The following DNAH2 variants were observed in gnomAD, a reference collection of about 807,000 sequenced individuals.
DNAH2 encodes dynein axonemal heavy chain 2.
In DNAH2, 323 loss-of-function variants were observed where a neutral mutation model predicts 523.5. The ratio of observed to expected loss-of-function variants is 0.62; its 90% CI spans 0.56 to 0.68. The LOEUF (loss-of-function observed/expected upper bound fraction) is 0.68, where lower values mean the gene tolerates loss of function less well. Among genes scored for constraint, DNAH2 ranks in the 30% least tolerant of loss-of-function variants. The pLI, the probability that DNAH2 is intolerant of heterozygous loss-of-function variation, is 0.00. For missense variants in DNAH2, 4,907 were observed against 5,701.5 expected (o/e 0.86, Z 4.49); for synonymous variants, 2,093 against 2,177.4 (o/e 0.96, Z 1.08).
chr17:7,733,040 A>G (rs1038674483), intron 4 of DNAH2, 47 bp from the exon 5 acceptor site: 2 of 1,593,488 alleles, frequency 1.3e-6, no homozygotes, highest in African/African-American at 1.3e-5. Flanking sequence ...ACTGGGTGTC[A>G]TGGCTGGGCC....
chr17:7,802,493 A>G (rs1255529035), intron 58 of DNAH2, among the ~76,000 whole-genome samples: 1 of 152,226 alleles, frequency 6.6e-6, no homozygotes, highest in Non-Finnish European at 1.5e-5. Flanking sequence ...AGAATGGAGT[A>G]TCTGCATGTA....
intron 77 of DNAH2, among the ~76,000 whole-genome samples, chr17:7,825,331 G>A (rs759170517): frequency 1.1e-4 from 17 of 152,106 alleles, no homozygotes; most frequent in African/African-American, 1.7e-4. Context: ...TTTTCATTGC[G>A]CTTAGTTGAG....
rs764544377 is a variant in DNAH2, at chr17:7,764,035, C to A, written c.3179+4C>A. The A allele has an allele frequency of 1.2e-6, 2 of 1,614,152 alleles. No individual in the cohort carries two copies. Among genetic ancestry groups the A allele is most frequent in the Non-Finnish European group, 1.7e-6 (2 of 1,180,018 alleles). Reference sequence around the variant, plus strand: ...ACCTGAAGGAGAACGCAGAGAAGTGCGGGCTGGGGCGCCCCACAGGAAGGG... The same window carrying A: ...ACCTGAAGGAGAACGCAGAGAAGTGAGGGCTGGGGCGCCCCACAGGAAGGG... On this transcript the variant is annotated splice_donor_region_variant and intron_variant, in intron 19 of 85. Coordinates refer to ENST00000572933, the MANE Select transcript of DNAH2 (RefSeq NM_020877.5).
intron 8 of DNAH2, 81 bp from the exon 9 acceptor site, chr17:7,739,652 A>G (rs1378842800): frequency 1.6e-6 from 2 of 1,278,084 alleles, no homozygotes; most frequent in Non-Finnish European, 2.2e-6. Context: ...ATGTTTTTAG[A>G]CATTTGAAGC....
chr17:7,794,605 C>T (rs1175597779), intron 49 of DNAH2, among the ~76,000 whole-genome samples: 2 of 152,094 alleles, frequency 1.3e-5, no homozygotes, highest in African/African-American at 4.8e-5. Flanking sequence ...CACAGTGAAG[C>T]CCAAGTAGAC....
intron 70 of DNAH2, 39 bp from the exon 71 acceptor site, chr17:7,818,880 C>A (rs370471517): frequency 1.2e-6 from 2 of 1,607,786 alleles, no homozygotes; most frequent in Middle Eastern, 3.3e-4. Flanking sequence ...CCTGGTCCCG[C>A]TAACCCCTTG....
intron 55 of DNAH2, 28 bp from the exon 56 acceptor site, chr17:7,799,075 C>A: frequency 1.2e-6 from 2 of 1,612,690 alleles, no homozygotes; most frequent in Non-Finnish European, 1.7e-6. Flanking sequence ...ACACGCCAGC[C>A]CTCTGACCCT....
At position 7,832,828 on chromosome 17, in the gene DNAH2, C is replaced by G. The variant is rs758523086; in HGVS notation, c.12904-26C>G. ...TATGTGTTCTCCTCTTCAGGGTCCTCTCTTATTCTCACCTTCAACCCCCAG... is the reference window on the plus strand; with the variant it reads ...TATGTGTTCTCCTCTTCAGGGTCCTGTCTTATTCTCACCTTCAACCCCCAG... On this transcript the variant is annotated intron_variant, in intron 83 of 85. Coordinates refer to ENST00000572933, the MANE Select transcript of DNAH2 (RefSeq NM_020877.5). The surrounding 1 kb of genome is among the most constrained non-coding windows in gnomAD (Gnocchi z 4.3). The G allele has an allele frequency of 6.2e-7, 1 of 1,614,192 alleles. No individual in the cohort carries two copies. The highest frequency in any genetic ancestry group is 8.5e-7 in the Non-Finnish European group (1 of 1,180,038).
At position 7,818,766 on chromosome 17, in the gene DNAH2, G is replaced by A. The variant is rs2077760860; in HGVS notation, c.10660G>A (p.Glu3554Lys). 6.2e-7 allele frequency: 1 copy of A among 1,613,938 alleles called. No individual in the cohort carries two copies. The highest frequency in any genetic ancestry group is 1.7e-5 in the Admixed American group (1 of 59,990). The change falls in exon 70 of 86, where the codon GAG (glutamate) becomes AAG (lysine). Residue 3554 changes from glutamate to lysine, a missense_variant. Physicochemically the swap from Glu to Lys is moderately conservative, Grantham distance 56 (BLOSUM62 1). Around this residue, in one of 3 missense-constraint regions of DNAH2, gnomAD observed 1,851 missense variants for 2,139.4 expected, o/e 0.87. Transcript: ENST00000572933. ...AAGGAAGCTCAAGGAGCTGGAGGAT[G>A]AGATCCTGCGGTGAGGCCCTGCCTT... ...GKRKLKELED[E>K]ILRLLNEATG...
chr17:7,812,667 TC>T (rs2077547716), intron 63 of DNAH2, among the ~76,000 whole-genome samples: 1 of 145,576 alleles, frequency 6.9e-6, no homozygotes, highest in African/African-American at 2.6e-5. Flanking sequence ...ACGCCTGGAA[TC>T]CCAGCACTCT....
chr17:7,786,082 T>G lies in DNAH2; in HGVS notation c.6130-42T>G. ...AGATTTTGAAAGCCCTTTAAAGGCCTCATCCTTTTTCTTCTGCTTGCTGTG... is the reference window on the plus strand; with the variant it reads ...AGATTTTGAAAGCCCTTTAAAGGCCGCATCCTTTTTCTTCTGCTTGCTGTG... On this transcript the variant is annotated intron_variant, in intron 39 of 85. Coordinates refer to ENST00000572933, the MANE Select transcript of DNAH2 (RefSeq NM_020877.5). The surrounding 1 kb of genome is among the most constrained non-coding windows in gnomAD (Gnocchi z 7.5). The G allele has an allele frequency of 1.2e-6, 2 of 1,605,390 alleles. No individual in the cohort carries two copies. The highest frequency in any genetic ancestry group is 1.7e-6 in the Non-Finnish European group (2 of 1,173,260).
In DNAH2 at chr17:7,831,565, G is replaced by T. The variant is rs928656692; in HGVS notation, c.12611+24G>T. On this transcript the variant is annotated intron_variant, in intron 81 of 85. Transcript: ENST00000572933. The surrounding 1 kb of genome is among the most constrained non-coding windows in gnomAD (Gnocchi z 4.2). Reference sequence around the variant, plus strand: ...CTGTAAGACAGAGGGGGACTCTGCGGAACAGGGGAGGGTGTGAGGAGAAGC... The same window carrying T: ...CTGTAAGACAGAGGGGGACTCTGCGTAACAGGGGAGGGTGTGAGGAGAAGC... 6.2e-7 allele frequency: 1 copy of T among 1,613,942 alleles called. No individual in the cohort carries two copies. The highest frequency in any genetic ancestry group is 1.3e-5 in the African/African-American group (1 of 74,914).
At chr17:7,742,267 T>C (rs2075375733) in intron 11 of DNAH2, among the ~76,000 whole-genome samples, 1 of 151,926 alleles carries the variant, frequency 6.6e-6, no homozygotes, top group Non-Finnish European at 1.5e-5. Context: ...CTGTCTCTAC[T>C]AAAAATACAA....
At chr17:7,785,054 C>G (rs1345663075) in intron 39 of DNAH2, among the ~76,000 whole-genome samples, 1 of 150,504 alleles carries the variant, frequency 6.6e-6, no homozygotes, top group Admixed American at 6.6e-5. Flanking sequence ...TTTGGCAATA[C>G]AATTCTAAAT....
At chr17:7,801,761 C>A (rs143125898) in intron 57 of DNAH2, 51 bp downstream of exon 57, 10 of 1,611,298 alleles carry the variant, frequency 6.2e-6, no homozygotes, top group African/African-American at 5.3e-5. Context: ...CCCTCTCCCC[C>A]GCCTCTCATC....
At chr17:7,722,190 G>C (rs892233573) in intron 2 of DNAH2, among the ~76,000 whole-genome samples, 12 of 41,530 alleles carry the variant, frequency 2.9e-4, no homozygotes, top group Non-Finnish European at 4.8e-4. Flanking sequence ...ATAGAGACGG[G>C]GGGGGGGGTT....
rs146334070 is a variant in DNAH2, at chr17:7,742,798, T to A, written c.1690-130T>A. On this transcript the variant is annotated intron_variant, in intron 11 of 85. Transcript: ENST00000572933. ...TTCTAAGTTATCAAAACTCAATCCA[T>A]CTCCATAGCAAGCCTTATGCATATT... 2.0e-3 allele frequency: 1,097 copies of A among 540,010 alleles called. 10 individuals are homozygous for A. The highest frequency in any genetic ancestry group is 0.011 in the African/African-American group (545 of 50,892). The allele number at this position is 540,010 out of a possible 1,614,324, so 33.5% of individuals were successfully genotyped here.
Position 7,758,386 on chromosome 17 carries a change from A to ATCTAGTCTAGAT in DNAH2, c.2052-104_2052-103insTCTAGATTCTAG, listed in dbSNP as rs543512998. 43 of 1,320,072 alleles carry ATCTAGTCTAGAT rather than the reference A, an allele frequency of 3.3e-5. No individual in the cohort carries two copies. The African/African-American group carries it at 5.6e-4, about 17-fold the overall frequency. The allele number at this position is 1,320,072 out of a possible 1,614,324, so 81.8% of individuals were successfully genotyped here. A position where few individuals can be genotyped will look rare whatever the true frequency, so the allele number is the denominator to read the frequency against. On this transcript the variant is annotated intron_variant, in intron 13 of 85. Coordinates refer to ENST00000572933, the MANE Select transcript of DNAH2 (RefSeq NM_020877.5). Reference sequence around the variant, plus strand: ...GTACTAGTCTAGAATCTAGTCTAGAATCTAGACTAGTGGTCTAGAAATGTT... The same window carrying ATCTAGTCTAGAT: ...GTACTAGTCTAGAATCTAGTCTAGAATCTAGTCTAGATTCTAGACTAGTGGTCTAGAAATGTT...
In DNAH2 at chr17:7,754,739, G is replaced by C; in HGVS notation, c.1905-2352G>C. 2 of 1,070,082 alleles carry C rather than the reference G, an allele frequency of 1.9e-6. No homozygotes were observed. Among genetic ancestry groups the C allele is most frequent in the Non-Finnish European group, 2.8e-6 (2 of 702,852 alleles). 66.3% of individuals were successfully genotyped at this position (1,070,082 alleles called of 1,614,324 possible). A position where few individuals can be genotyped will look rare whatever the true frequency, so the allele number is the denominator to read the frequency against. ...CCCGCATGGCCAAGGGGCTCAGGCTGTGCCGGCCCAAGGCCAAGGCCAAGG... is the reference window on the plus strand; with the variant it reads ...CCCGCATGGCCAAGGGGCTCAGGCTCTGCCGGCCCAAGGCCAAGGCCAAGG... On this transcript the variant is annotated intron_variant, in intron 12 of 85. Coordinates refer to ENST00000572933, the MANE Select transcript of DNAH2 (RefSeq NM_020877.5). The surrounding 1 kb of genome is among the most constrained non-coding windows in gnomAD (Gnocchi z 4.6).
Sources: allele counts gnomAD v4.1 joint callset (sites outside exome capture counted in the v4.1 genomes callset), GRCh38; gene constraint gnomAD v4.1.1; regional missense constraint gnomAD v4.1.1; non-coding constraint Gnocchi (gnomAD v3.1); transcripts MANE v1.5; gene names NCBI Gene and HGNC (gene_info 2026-07-23, HGNC 2026-07-21).